The following CDK12 variants were observed in gnomAD, a reference collection of about 807,000 sequenced individuals.
CDK12 encodes cyclin-dependent kinase 12.
CDK12 carries 17 observed loss-of-function variants against 133.8 expected under a neutral mutation model. The ratio of observed to expected loss-of-function variants is 0.13; its 90% CI spans 0.09 to 0.19. The LOEUF (loss-of-function observed/expected upper bound fraction) is 0.19, where lower values mean the gene tolerates loss of function less well. Ranked by LOEUF, CDK12 falls within the 10% of genes least tolerant of loss-of-function variation. The pLI, the probability that CDK12 is intolerant of heterozygous loss-of-function variation, is 1.00. For missense variants in CDK12, 1,508 were observed against 1,818.7 expected, an observed-to-expected ratio of 0.83 and a Z score of 3.11; for synonymous variants, 694 against 683.6, an observed-to-expected ratio of 1.02 and a Z score of -0.24.
At chr17:39,537,556 T>C (rs181479483), downstream of CDK12, among the ~76,000 whole-genome samples, 5 of 146,152 alleles carry the variant, frequency 3.4e-5, no homozygotes, top group East Asian at 9.7e-4. Context: ...TTTATTTATT[T>C]ATTTATTTAT....
rs1409419859 is a variant in CDK12 at position 39,481,629 on chromosome 17, G to GCT, written c.1932-8927_1932-8926insTC. On this transcript the variant is annotated intron_variant, in intron 2 of 13. Transcript: ENST00000447079. The stretch of plus-strand genomic sequence containing the variant: ...CCAGCACTTATGTGCTTGCTCGCTC[G>GCT]CGCGCTCTCTCTCTCTCTCTCTCTC... Among the ~76,000 whole-genome samples the GCT allele has an allele frequency of 1.3e-3, 32 of 25,060 alleles. 2 individuals carry two copies. The highest frequency in any genetic ancestry group is 2.4e-3 in the African/African-American group (28 of 11,468). 16.4% of individuals were successfully genotyped at this position (25,060 alleles called of 152,430 possible). A position where few individuals can be genotyped will look rare whatever the true frequency, so the allele number is the denominator to read the frequency against.
intron 3 of CDK12, among the ~76,000 whole-genome samples, chr17:39,557,253 C>T (rs1033704059): frequency 4.6e-5 from 7 of 152,122 alleles, no homozygotes; most frequent in South Asian, 2.1e-4. Context: ...AGAAACTGCC[C>T]GCCTTAACAT....
chr17:39,478,802 A>G (rs1266225543), intron 2 of CDK12, among the ~76,000 whole-genome samples: 1 of 151,982 alleles, frequency 6.6e-6, no homozygotes, highest in Non-Finnish European at 1.5e-5. Flanking sequence ...TCTAGCCTGG[A>G]TAACAGTGAG....
intron 10 of CDK12, among the ~76,000 whole-genome samples, chr17:39,518,986 C>T (rs547652362): frequency 2.6e-5 from 4 of 152,278 alleles, no homozygotes; most frequent in African/African-American, 9.6e-5. Context: ...ACTGCAACCT[C>T]CGCCTCCTGG....
intron 4 of CDK12, among the ~76,000 whole-genome samples, chr17:39,494,293 G>A (rs968346844): frequency 2.6e-5 from 4 of 152,088 alleles, no homozygotes; most frequent in Admixed American, 1.3e-4. Context: ...GGCTGGTCTC[G>A]AATTCCTAAC....
intron 2 of CDK12, among the ~76,000 whole-genome samples, chr17:39,489,183 C>T (rs768288415): frequency 2.6e-5 from 4 of 151,438 alleles, no homozygotes; most frequent in Non-Finnish European, 4.4e-5. Context: ...GGGGTTCAAG[C>T]AGTTCTCCTG....
At chr17:39,546,032 T>C (rs2055679464), upstream of CDK12, 1 of 151,308 alleles carries the variant, frequency 6.6e-6, no homozygotes, top group Non-Finnish European at 1.5e-5. Flanking sequence ...CCTGACCTCA[T>C]GATCCGCGCA....
Position 39,462,237 on chromosome 17 carries a change from G to A in CDK12, c.166G>A (p.Val56Met), listed in dbSNP as rs147398865. The A allele has an allele frequency of 3.1e-6, 5 of 1,614,084 alleles. No individual in the cohort carries two copies. The highest frequency in any genetic ancestry group is 4.2e-6 in the Non-Finnish European group (5 of 1,180,042). ...CAAACACTCCAAAGACATGGGGTTG[G>A]TGACCCCCGAAGCAGCATCCCTGGG... ...KSKHSKDMGL[V>M]TPEAASLGTV... The change falls in exon 1 of 14, where the codon GTG becomes ATG. Residue 56 changes from valine (V) to methionine (M), a missense_variant. Physicochemically the swap from Val to Met is conservative, Grantham distance 21. Transcript: ENST00000447079.
At position 39,477,579 on chromosome 17, in the gene CDK12, T is replaced by A. The variant is rs1458987055; in HGVS notation, c.1931+5816T>A. Among the ~76,000 whole-genome samples, 56 of 148,996 alleles carry A rather than the reference T, an allele frequency of 3.8e-4. 2 individuals carry two copies. The highest frequency in any genetic ancestry group is 1.2e-3 in the African/African-American group (50 of 40,432). On this transcript the variant is annotated intron_variant, in intron 2 of 13. Coordinates refer to ENST00000447079, the MANE Select transcript of CDK12 (RefSeq NM_016507.4). Reference sequence around the variant, plus strand: ...TTTTTATTTATTTATTATTTATTTTTTTTTTTTTTTTGAGTCAGAGTCTTG... The same window carrying A: ...TTTTTATTTATTTATTATTTATTTTATTTTTTTTTTTGAGTCAGAGTCTTG...
rs1462810129 is a variant in CDK12, at chr17:39,481,696, C to T, written c.1932-8861C>T. 3.5e-4 allele frequency among the ~76,000 whole-genome samples: 4 copies of T among 11,424 alleles called. 2 individuals carry two copies. Among genetic ancestry groups the T allele is most frequent in the Non-Finnish European group, 1.2e-3 (4 of 3,476 alleles). The allele number at this position is 11,424 out of a possible 152,430, so 7.5% of individuals were successfully genotyped here. On this transcript the variant is annotated intron_variant, in intron 2 of 13. Transcript: ENST00000447079. ...TCTCTCTCTCTCTCTCTCTCTCTCTCTCTCTCTCTCTCTCTTTCTCTTTTC... is the reference window on the plus strand; with the variant it reads ...TCTCTCTCTCTCTCTCTCTCTCTCTTTCTCTCTCTCTCTCTTTCTCTTTTC...
At chr17:39,524,007 G>C (rs1462366251) in intron 11 of CDK12, among the ~76,000 whole-genome samples, 1 of 152,150 alleles carries the variant, frequency 6.6e-6, no homozygotes, top group African/African-American at 2.4e-5. Context: ...AAACATATAA[G>C]GGTTTTACTG....
intron 2 of CDK12, among the ~76,000 whole-genome samples, chr17:39,478,824 A>G (rs1332094419): frequency 6.6e-6 from 1 of 152,110 alleles, no homozygotes; most frequent in Non-Finnish European, 1.5e-5. Context: ...TGTTGTATCA[A>G]AGAAAATGAG....
At chr17:39,494,838 C>T in intron 5 of CDK12, 144 bp downstream of exon 5, 1 of 610,592 alleles carries the variant, frequency 1.6e-6, no homozygotes. Flanking sequence ...GGTGCGATTT[C>T]AGGTCACTGC....
In CDK12 at chr17:39,461,641, A is replaced by C. The variant is rs1016929438; in HGVS notation, c.-431A>C. ...ACCTAGGCCGCGGCACCCCGGCGAC[A>C]GGAAGCCGTCCTGAACCGGGCTACC... On this transcript the variant is annotated 5_prime_UTR_variant, in exon 1 of 14. Coordinates refer to ENST00000447079, the MANE Select transcript of CDK12 (RefSeq NM_016507.4). 7.3e-6 allele frequency: 2 copies of C among 272,258 alleles called. No individual in the cohort carries two copies. The highest frequency in any genetic ancestry group is 2.2e-5 in the African/African-American group (1 of 46,280). 16.9% of individuals were successfully genotyped at this position (272,258 alleles called of 1,614,324 possible).
At chr17:39,489,602 C>T (rs1378586261) in intron 2 of CDK12, among the ~76,000 whole-genome samples, 2 of 151,122 alleles carry the variant, frequency 1.3e-5, no homozygotes, top group African/African-American at 2.4e-5. Flanking sequence ...AAGCAATTCT[C>T]CTGCCTCAGC....
chr17:39,566,914 CTAA>C (rs1302948114), downstream of CDK12: 1 of 152,264 alleles, frequency 6.6e-6, no homozygotes, highest in Non-Finnish European at 1.5e-5. Context: ...TGTGATGGGA[CTAA>C]TGTGGAGAGG....
intron 6 of CDK12, 96 bp from the exon 7 acceptor site, chr17:39,509,609 G>A (rs2053354843): frequency 1.3e-6 from 1 of 794,986 alleles, no homozygotes; most frequent in Non-Finnish European, 2.2e-6. Flanking sequence ...ATTTATTTTT[G>A]TAATTCCTTT....
In CDK12 at chr17:39,476,711, C is replaced by CTTTTTTTTTTT. The variant is rs879840168; in HGVS notation, c.1931+4967_1931+4977dup. ...TACAGGCATGAGCCACCATGCCTGC[C>CTTTTTTTTTTT]TTTTTTTTTTTTTTTTTTTTTTTTT... On this transcript the variant is annotated intron_variant, in intron 2 of 13. Coordinates refer to ENST00000447079, the MANE Select transcript of CDK12 (RefSeq NM_016507.4). Among the ~76,000 whole-genome samples the CTTTTTTTTTTT allele has an allele frequency of 2.3e-3, 195 of 84,454 alleles. 22 individuals carry two copies. The highest frequency in any genetic ancestry group is 6.5e-3 in the African/African-American group (115 of 17,560). 55.4% of individuals were successfully genotyped at this position (84,454 alleles called of 152,430 possible).
At chr17:39,481,660 C>T (rs1567706287) in intron 2 of CDK12, among the ~76,000 whole-genome samples, 40 of 14,736 alleles carry the variant, frequency 2.7e-3, no homozygotes, top group Non-Finnish European at 5.9e-3. Context: ...CTCTCTCTCT[C>T]TCTCTCTCTC....
Sources: gnomAD v4.1 joint callset for allele counts (sites outside exome capture counted in the v4.1 genomes callset) on GRCh38, gnomAD v4.1.1 for gene constraint, MANE v1.5 for transcripts, NCBI Gene and HGNC (gene_info 2026-07-23, HGNC 2026-07-21) for gene names.